The following KAZN variants were observed in gnomAD, a reference collection of about 807,000 sequenced individuals.
The protein encoded by KAZN is kazrin, periplakin interacting protein, also known as kazrin.
Under a neutral mutation model 87.4 loss-of-function variants are expected in KAZN, and 40 were observed. The observed-to-expected ratio is 0.46, with a 90% CI of 0.36 to 0.60. The LOEUF (loss-of-function observed/expected upper bound fraction) is 0.60, where lower values mean the gene tolerates loss of function less well. Ranked by LOEUF, KAZN falls within the 20% of genes least tolerant of loss-of-function variation. The pLI, the probability that KAZN is intolerant of heterozygous loss-of-function variation, is 0.00. For synonymous variants in KAZN, 466 were observed against 458.3 expected (o/e 1.02, Z -0.22); for missense variants, 898 against 1,073.9 (o/e 0.84, Z 2.29).
At chr1:15,037,021 G>A (rs914302968) in intron 3 of KAZN, among the ~76,000 whole-genome samples, 5 of 152,020 alleles carry the variant, frequency 3.3e-5, no homozygotes, top group African/African-American at 7.2e-5. Flanking sequence ...CCTGTGCAGC[G>A]CGCCTCTTCC....
chr1:14,010,172 C>G lies in KAZN; in HGVS notation c.91+116416C>G, dbSNP rs116418376. Among the ~76,000 whole-genome samples the G allele has an allele frequency of 3.2e-3, 483 of 151,948 alleles. 2 individuals carry two copies. Among genetic ancestry groups the G allele is most frequent in the African/African-American group, 0.011 (465 of 41,440 alleles). ...ACCATGGGTCTGAGATGTTAGTTAT[C>G]TTTGCTCCTGGTGCACATTAAAGTA... On this transcript the variant is annotated intron_variant, in intron 1 of 16. Transcript: ENST00000636203.
rs1224263175 is a variant in KAZN at position 14,560,404 on chromosome 1, AC to A, written c.250-38575del. Reference sequence around the variant, plus strand: ...AGACCAGCCTGGCCAACATGATGAAACCCCATCTCTACTAAAATACAAAAAT... The same window carrying A: ...AGACCAGCCTGGCCAACATGATGAAACCCATCTCTACTAAAATACAAAAAT... On this transcript the variant is annotated intron_variant, in intron 2 of 16. Transcript: ENST00000636203. Among the ~76,000 whole-genome samples the A allele has an allele frequency of 4.0e-5, 6 of 151,820 alleles. No homozygotes were observed. In the East Asian group the frequency reaches 5.8e-4, roughly 15 times the overall value.
chr1:15,040,441 G>T (rs1672769657), intron 3 of KAZN, among the ~76,000 whole-genome samples: 1 of 152,178 alleles, frequency 6.6e-6, no homozygotes, highest in South Asian at 2.1e-4. Context: ...GAACAAGGCT[G>T]CTGAGAAAGG....
chr1:14,152,844 C>T (rs1318611921), intron 1 of KAZN, among the ~76,000 whole-genome samples: 1 of 152,162 alleles, frequency 6.6e-6, no homozygotes, highest in Non-Finnish European at 1.5e-5. Flanking sequence ...ATATCCTTGC[C>T]AGCATTTGTT....
chr1:14,140,378 C>T (rs76620938), intron 1 of KAZN, among the ~76,000 whole-genome samples: 2 of 152,014 alleles, frequency 1.3e-5, no homozygotes, highest in East Asian at 1.9e-4. Flanking sequence ...GAAAGTGCTT[C>T]GCAGGTGTAA....
intron 11 of KAZN, 139 bp from the exon 12 acceptor site, chr1:15,103,220 T>TAGC: frequency 1.6e-6 from 1 of 633,748 alleles, no homozygotes; most frequent in Admixed American, 2.6e-5. Flanking sequence ...TGAGCACAGA[T>TAGC]AGCACCACTG....
intron 1 of KAZN, among the ~76,000 whole-genome samples, chr1:14,881,634 G>A (rs1653348433): frequency 2.0e-5 from 3 of 152,190 alleles, no homozygotes; most frequent in South Asian, 2.1e-4. Context: ...ACAGTCTCAT[G>A]TCTGAGATTA....
intron 2 of KAZN, among the ~76,000 whole-genome samples, chr1:14,583,509 G>T (rs1459400661): frequency 1.3e-5 from 2 of 152,220 alleles, no homozygotes; most frequent in African/African-American, 2.4e-5. Flanking sequence ...ATGATGCCTT[G>T]AGGGAGCTCC....
In KAZN at chr1:15,067,558, G is replaced by A. The variant is rs1261076751; in HGVS notation, c.1222+1805G>A. On this transcript the variant is annotated intron_variant, in intron 8 of 14. Transcript: ENST00000376030. Reference sequence around the variant, plus strand: ...CCCACACCTCTAGACAACAGTAGTCGTGCTTTCTGCTAACGGTGACATTTT... The same window carrying A: ...CCCACACCTCTAGACAACAGTAGTCATGCTTTCTGCTAACGGTGACATTTT... 1.1e-5 allele frequency: 11 copies of A among 985,328 alleles called. No individual in the cohort carries two copies. The South Asian group carries it at 2.3e-4, about 21-fold the overall frequency. 61.0% of individuals were successfully genotyped at this position (985,328 alleles called of 1,614,324 possible).
intron 2 of KAZN, among the ~76,000 whole-genome samples, chr1:14,535,572 A>G (rs113874045): frequency 6.6e-6 from 1 of 152,158 alleles, no homozygotes; most frequent in Non-Finnish European, 1.5e-5. Flanking sequence ...AGGCTGAGGC[A>G]GGAGAATCGC....
chr1:14,051,289 T>C (rs1356181298), intron 1 of KAZN, among the ~76,000 whole-genome samples: 1 of 152,172 alleles, frequency 6.6e-6, no homozygotes, highest in Non-Finnish European at 1.5e-5. Context: ...AGCAGGACTC[T>C]TGCTAAAACT....
intron 1 of KAZN, among the ~76,000 whole-genome samples, chr1:14,080,855 G>A (rs1030326242): frequency 1.3e-5 from 2 of 152,176 alleles, no homozygotes; most frequent in African/African-American, 4.8e-5. Flanking sequence ...CCCCAGGGAA[G>A]TTTCCATGGT....
chr1:14,094,004 T>G (rs1644067520), intron 1 of KAZN, among the ~76,000 whole-genome samples: 1 of 152,168 alleles, frequency 6.6e-6, no homozygotes, highest in Admixed American at 6.5e-5. Flanking sequence ...TAAATTTCTT[T>G]ATGGCCAGCT....
In KAZN at chr1:14,757,206, T is replaced by C. The variant is rs77121323; in HGVS notation, c.226+157983T>C. Among the ~76,000 whole-genome samples, 6 of 152,270 alleles carry C rather than the reference T, an allele frequency of 3.9e-5. No individual in the cohort carries two copies. The East Asian group carries it at 1.2e-3, about 29-fold the overall frequency. Reference sequence around the variant, plus strand: ...GGAAATTAATAGTTACAATATATGGTTTTTTTCAGTGTTCACAAAGTGTAC... The same window carrying C: ...GGAAATTAATAGTTACAATATATGGCTTTTTTCAGTGTTCACAAAGTGTAC... On this transcript the variant is annotated intron_variant, in intron 1 of 14. Coordinates refer to ENST00000376030, the MANE Select transcript of KAZN (RefSeq NM_201628.3).
At chr1:14,153,620 C>CA (rs199533815) in intron 1 of KAZN, among the ~76,000 whole-genome samples, 26,734 of 151,534 alleles carry the variant, frequency 0.18, 2,967 homozygotes, top group East Asian at 0.33. Flanking sequence ...ACTAAAAATA[C>CA]AAAAAAATTA....
rs142915671 is a variant in KAZN at position 14,769,285 on chromosome 1, C to T, written c.226+170062C>T. Among the ~76,000 whole-genome samples, 15 of 152,226 alleles carry T rather than the reference C, an allele frequency of 9.9e-5. No individual in the cohort carries two copies. Among genetic ancestry groups the T allele is most frequent in the East Asian group, 9.7e-4 (5 of 5,162 alleles). ...CACCCCCATCTGAATTGCAGAACCA[C>T]GTTATTGGCTTTTGGAAAGTCCCCT... On this transcript the variant is annotated intron_variant, in intron 1 of 14. Transcript: ENST00000376030. This position sits in a 1 kb window ranked among gnomAD's most constrained non-coding sequence, Gnocchi z 4.1.
chr1:14,664,653 CT>C (rs543110951), intron 1 of KAZN, among the ~76,000 whole-genome samples: 3,899 of 139,324 alleles, frequency 0.028, 171 homozygotes, highest in African/African-American at 0.094. Context: ...TTCTTTTTCT[CT>C]TTTTTTTTTT....
At chr1:13,934,060 T>G (rs1415200589) in intron 1 of KAZN, among the ~76,000 whole-genome samples, 1 of 152,242 alleles carries the variant, frequency 6.6e-6, no homozygotes, top group Non-Finnish European at 1.5e-5. Context: ...GGAAATAGCC[T>G]GTACCAGTCC....
chr1:14,907,161 C>T (rs959820765), intron 1 of KAZN, among the ~76,000 whole-genome samples: 3 of 151,656 alleles, frequency 2.0e-5, no homozygotes, highest in East Asian at 3.9e-4. Flanking sequence ...TTTGGGAGGC[C>T]GAGGCTGGTG....
Sources: allele counts gnomAD v4.1 joint callset (sites outside exome capture counted in the v4.1 genomes callset), GRCh38; gene constraint gnomAD v4.1.1; non-coding constraint Gnocchi (gnomAD v3.1); transcripts MANE v1.5; gene names NCBI Gene and HGNC (gene_info 2026-07-23, HGNC 2026-07-21).